Variants in AKR1E2 observed in about 807,000 individuals in gnomAD.
The protein encoded by AKR1E2 is aldo-keto reductase family 1 member E2, also known as 1,5-anhydro-D-fructose reductase.
In AKR1E2, 43 loss-of-function variants were observed where a neutral mutation model predicts 41.9. The observed-to-expected ratio is 1.03, with a 90% CI of 0.80 to 1.32. The LOEUF (loss-of-function observed/expected upper bound fraction) is 1.32. Among genes scored for constraint, AKR1E2 ranks in the 40% most tolerant of loss-of-function variants. AKR1E2 has a pLI of 0.00. For synonymous variants in AKR1E2, 121 were observed against 138.9 expected (o/e 0.87, Z 0.91); for missense variants, 423 against 396.5 (o/e 1.07, Z -0.57).
At chr10:4,839,685 A>G (rs780155434) in intron 5 of AKR1E2, 44 bp from the exon 6 acceptor site, 36 of 1,561,950 alleles carry the variant, frequency 2.3e-5, no homozygotes, top group Non-Finnish European at 3.2e-5. Context: ...CTTTTCTTGA[A>G]CACTAGTGGT....
intron 1 of AKR1E2, among the ~76,000 whole-genome samples, chr10:4,828,238 C>T (rs1305250573): frequency 6.6e-6 from 1 of 152,124 alleles, no homozygotes; most frequent in African/African-American, 2.4e-5. Context: ...TGGGGCTACT[C>T]CACTTGGCTC....
rs1206407523 is a variant in AKR1E2 at position 4,837,477 on chromosome 10, A to T, written c.478A>T (p.Ile160Phe). Residue 160 changes from isoleucine to phenylalanine, a missense_variant, in exon 5 of 10, where the codon ATC becomes TTC. By Grantham distance (21) the Ile-to-Phe change is conservative. Coordinates refer to ENST00000298375, the MANE Select transcript of AKR1E2 (RefSeq NM_001040177.3). Reference sequence around the variant, plus strand: ...CTTATAGGCCATGGAGGACCTGGTGATCACCGGGCTGGTGAAGAACATCGG... The same window carrying T: ...CTTATAGGCCATGGAGGACCTGGTGTTCACCGGGCTGGTGAAGAACATCGG... The part of the protein sequence containing the change: ...DTWEAMEDLV[I>F]TGLVKNIGVS... 2 of 1,613,942 alleles carry T rather than the reference A, an allele frequency of 1.2e-6. No homozygotes were observed. Among genetic ancestry groups the T allele is most frequent in the Non-Finnish European group, 1.7e-6 (2 of 1,179,968 alleles).
At chr10:4,835,625 T>TTGTTG (rs2131524255) in intron 3 of AKR1E2, 50 bp from the exon 4 acceptor site, 1 of 1,586,870 alleles carries the variant, frequency 6.3e-7, no homozygotes, top group African/African-American at 1.4e-5. Flanking sequence ...ATGGTTTTTT[T>TTGTTG]TGTTTTGTTT....
chr10:4,832,617 G>A (rs1461914978), intron 2 of AKR1E2, among the ~76,000 whole-genome samples: 1 of 152,170 alleles, frequency 6.6e-6, no homozygotes, highest in Non-Finnish European at 1.5e-5. Flanking sequence ...AGCACCACAT[G>A]GAGACAACTG....
chr10:4,862,216 G>A, the AKR1E2 span, among the ~76,000 whole-genome samples: 1 of 152,142 alleles, frequency 6.6e-6, no homozygotes, highest in Non-Finnish European at 1.5e-5. Flanking sequence ...GTTTTTGTCA[G>A]GTTTGTCAAA....
the AKR1E2 span, among the ~76,000 whole-genome samples, chr10:4,872,365 A>G: frequency 1.3e-5 from 2 of 152,246 alleles, no homozygotes; most frequent in Middle Eastern, 3.2e-3. Flanking sequence ...TATGTCAAAC[A>G]TTCAGAAATG....
chr10:4,826,761 C>G (rs1161657105), intron 1 of AKR1E2, among the ~76,000 whole-genome samples: 1 of 152,138 alleles, frequency 6.6e-6, no homozygotes, highest in Non-Finnish European at 1.5e-5. Flanking sequence ...AACCTCGAAG[C>G]CTCCTCTCCA....
chr10:4,842,880 T>G (rs567702611), intron 8 of AKR1E2, among the ~76,000 whole-genome samples: 13 of 152,272 alleles, frequency 8.5e-5, no homozygotes, highest in Admixed American at 8.5e-4. Context: ...GGGGAGGCAG[T>G]TGGTGGACAG....
chr10:4,849,612 G>C (rs1834484082), downstream of AKR1E2, among the ~76,000 whole-genome samples: 2 of 152,214 alleles, frequency 1.3e-5, no homozygotes, highest in African/African-American at 4.8e-5. Context: ...GGCTGGGGAG[G>C]GCAGGGGTGG....
chr10:4,833,567 C>A, intron 3 of AKR1E2, 101 bp downstream of exon 3: 1 of 969,860 alleles, frequency 1.0e-6, no homozygotes, highest in Non-Finnish European at 1.6e-6. Flanking sequence ...GCATTCAGGG[C>A]AGGGGTTCCC....
chr10:4,836,636 TC>T (rs1307456779), intron 4 of AKR1E2, among the ~76,000 whole-genome samples: 1 of 151,538 alleles, frequency 6.6e-6, no homozygotes, highest in East Asian at 1.9e-4. Context: ...CAGGCTAGGC[TC>T]CCCCCATCAA....
At chr10:4,859,836 G>A in the AKR1E2 span, among the ~76,000 whole-genome samples, 1 of 152,220 alleles carries the variant, frequency 6.6e-6, no homozygotes, top group Non-Finnish European at 1.5e-5. Context: ...CTCTGTGTAA[G>A]ATCAGAATTT....
At chr10:4,857,761 A>G in the AKR1E2 span, among the ~76,000 whole-genome samples, 19 of 152,186 alleles carry the variant, frequency 1.2e-4, no homozygotes, top group Admixed American at 6.5e-4. Context: ...TGTTCATTTT[A>G]TCTAGGTTAT....
chr10:4,850,655 G>C (rs1449276880), downstream of AKR1E2, among the ~76,000 whole-genome samples: 1 of 152,126 alleles, frequency 6.6e-6, no homozygotes, highest in Admixed American at 6.5e-5. Context: ...GTTCAATGGT[G>C]TCTCATTGTG....
At chr10:4,867,314 C>CTG in the AKR1E2 span, among the ~76,000 whole-genome samples, 327 of 152,298 alleles carry the variant, frequency 2.1e-3, 2 homozygotes, top group African/African-American at 7.5e-3. Context: ...TCCTTGGTGT[C>CTG]TGTGTGTGTG....
chr10:4,830,018 G>T (rs964206896), intron 1 of AKR1E2, among the ~76,000 whole-genome samples: 4 of 152,180 alleles, frequency 2.6e-5, no homozygotes, highest in Non-Finnish European at 2.9e-5. Context: ...CCTATAAAAT[G>T]AAGATAATTA....
intron 1 of AKR1E2, among the ~76,000 whole-genome samples, chr10:4,830,076 G>A (rs980429585): frequency 1.3e-5 from 2 of 152,164 alleles, no homozygotes; most frequent in Non-Finnish European, 2.9e-5. Flanking sequence ...TGAGAAAGTG[G>A]TTTGTGAACT....
chr10:4,837,372 T>C (rs970861609), intron 4 of AKR1E2, 87 bp from the exon 5 acceptor site: 4 of 1,489,878 alleles, frequency 2.7e-6, no homozygotes, highest in Non-Finnish European at 3.6e-6. Flanking sequence ...CAACCAGTTT[T>C]AGAATACCAT....
At chr10:4,858,984 C>T in the AKR1E2 span, among the ~76,000 whole-genome samples, 1 of 151,896 alleles carries the variant, frequency 6.6e-6, no homozygotes, top group Admixed American at 6.6e-5. Context: ...CCACCACGAC[C>T]AGCTAATTTT....
Sources: gnomAD v4.1 joint callset for allele counts (sites outside exome capture counted in the v4.1 genomes callset) on GRCh38, gnomAD v4.1.1 for gene constraint, MANE v1.5 for transcripts, NCBI Gene and HGNC (gene_info 2026-07-23, HGNC 2026-07-21) for gene names.